Variants in GYG2 observed in about 807,000 individuals in gnomAD.
The protein encoded by GYG2 is glycogenin 2, also known as glycogenin-2.
GYG2 carries 29 observed loss-of-function variants against 29.4 expected under a neutral mutation model. The observed-to-expected ratio is 0.99, with a 90% CI of 0.74 to 1.35. GYG2 has a LOEUF of 1.35. Among genes scored for constraint, GYG2 ranks in the 40% most tolerant of loss-of-function variants. The pLI, the probability that GYG2 is intolerant of heterozygous loss-of-function variation, is 0.00. For missense variants in GYG2, 370 were observed against 385.7 expected, an observed-to-expected ratio of 0.96 and a Z score of 0.34; for synonymous variants, 167 against 172.3, an observed-to-expected ratio of 0.97 and a Z score of 0.24.
At chrX:2,873,587 T>C (rs1376115827) in intron 8 of GYG2, among the ~76,000 whole-genome samples, 1 of 111,127 alleles carries the variant, frequency 9.0e-6, no homozygotes, top group East Asian at 2.8e-4. Context: ...TGAGAACACA[T>C]AAGATCTACT....
At chrX:2,864,453 T>C (rs2088249485) in intron 8 of GYG2, among the ~76,000 whole-genome samples, 1 of 109,178 alleles carries the variant, frequency 9.2e-6, no homozygotes. Context: ...TTTATCTCAG[T>C]GAGCAGAGGG....
intron 4 of GYG2, 26 bp from the exon 5 acceptor site, chrX:2,854,967 G>T: frequency 8.3e-7 from 1 of 1,199,545 alleles, no homozygotes; most frequent in Non-Finnish European, 1.1e-6. Context: ...GCATTGCGGC[G>T]GGTTCTGCGT....
intron 10 of GYG2, 135 bp from the exon 11 acceptor site, chrX:2,880,917 G>A (rs2088705862): frequency 1.9e-6 from 1 of 531,764 alleles, no homozygotes; most frequent in South Asian, 3.0e-5. Context: ...AAAACAAAGT[G>A]CTAGTGATTC....
intron 2 of GYG2, among the ~76,000 whole-genome samples, chrX:2,835,071 G>T (rs1465483077): frequency 9.0e-6 from 1 of 111,482 alleles, no homozygotes; most frequent in Non-Finnish European, 1.9e-5. Context: ...GATCTGAAAG[G>T]GTGGGACTAC....
intron 3 of GYG2, chrX:2,852,618 G>A (rs891118374): frequency 8.0e-5 from 9 of 111,899 alleles, no homozygotes; most frequent in African/African-American, 2.9e-4. Context: ...GATTGTTATG[G>A]ACATCTGTTA....
chrX:2,857,548 ATCTC>A (rs891628277), intron 6 of GYG2, among the ~76,000 whole-genome samples: 1 of 110,120 alleles, frequency 9.1e-6, no homozygotes, highest in Non-Finnish European at 1.9e-5. Flanking sequence ...CTAGATCTAG[ATCTC>A]TCTCTATATA....
chrX:2,857,340 A>G lies in GYG2; in HGVS notation c.614+716A>G, dbSNP rs944438421. Among the ~76,000 whole-genome samples, 5 of 109,969 alleles carry G rather than the reference A, an allele frequency of 4.5e-5. No homozygotes were observed. In the East Asian group the frequency reaches 1.5e-3, roughly 33 times the overall value. ...CATCACTATATAGATACCTATATCT[A>G]TCTATCTAGAACTAGATATCTATGT... is the stretch of plus-strand genomic sequence containing the variant. On this transcript the variant is annotated intron_variant, in intron 6 of 10. Transcript: ENST00000398806.
chrX:2,834,518 G>A (rs1229143018), intron 2 of GYG2, among the ~76,000 whole-genome samples: 2 of 111,395 alleles, frequency 1.8e-5, no homozygotes, highest in South Asian at 3.8e-4. Flanking sequence ...TTGCAGTATC[G>A]AAACACCCAT....
intron 6 of GYG2, among the ~76,000 whole-genome samples, chrX:2,856,956 CATCTGTTTATCT>C (rs200244991): frequency 0.16 from 16,560 of 101,408 alleles, 1,050 homozygotes; most frequent in East Asian, 0.36. Context: ...TAGGCCTAGA[CATCTGTTTATCT>C]ATCTATCTAT....
chrX:2,831,775 T>G (rs1023944881), intron 2 of GYG2, among the ~76,000 whole-genome samples: 2 of 110,889 alleles, frequency 1.8e-5, no homozygotes, highest in Non-Finnish European at 3.8e-5. Flanking sequence ...TAAGGTTATT[T>G]TGGGGGGTGA....
chrX:2,861,592 C>G lies in GYG2; in HGVS notation c.908C>G (p.Ser303Ter). Residue 303 changes from serine to a stop codon, truncating the protein, a stop_gained, in exon 8 of 11, where the codon TCA becomes TGA. Transcript: ENST00000398806. LOFTEE classifies it high-confidence loss of function. ...ASGVGEPCEN[S>*]TPSAGVPCAN... ...GGTGTTGGAGAGCCGTGTGAAAATT[C>G]AACACCCAGTGCGGGCGTGCCGTGT... 2.5e-6 allele frequency: 3 copies of G among 1,207,872 alleles called. No homozygotes were observed. The highest frequency in any genetic ancestry group is 3.4e-6 in the Non-Finnish European group (3 of 892,520).
intron 8 of GYG2, among the ~76,000 whole-genome samples, chrX:2,866,964 G>C (rs1175083411): frequency 1.8e-5 from 2 of 110,759 alleles, no homozygotes; most frequent in Non-Finnish European, 3.8e-5. Flanking sequence ...AAAGGAGGAG[G>C]GTGGGAAAAA....
At chrX:2,867,336 C>T (rs751513140) in intron 8 of GYG2, among the ~76,000 whole-genome samples, 1 of 110,519 alleles carries the variant, frequency 9.0e-6, no homozygotes, top group Admixed American at 9.6e-5. Flanking sequence ...TGCCCAACTG[C>T]AGGCCCTTAC....
chrX:2,874,880 G>C (rs2088559733), intron 8 of GYG2, among the ~76,000 whole-genome samples: 1 of 111,738 alleles, frequency 8.9e-6, no homozygotes. Flanking sequence ...GTGCAGGCAA[G>C]AGGGGCTCAT....
chrX:2,857,269 G>A, intron 6 of GYG2, among the ~76,000 whole-genome samples: 1 of 74,605 alleles, frequency 1.3e-5, no homozygotes, highest in African/African-American at 6.8e-5. Flanking sequence ...AGATAGATCT[G>A]GATATCTATC....
chrX:2,848,877 G>A (rs1167045336), intron 3 of GYG2, among the ~76,000 whole-genome samples: 2 of 110,898 alleles, frequency 1.8e-5, no homozygotes, highest in East Asian at 5.6e-4. Flanking sequence ...GTCGGGTTGA[G>A]GTTTTGTGGG....
At chrX:2,854,942 G>A (rs1023790006) in intron 4 of GYG2, 51 bp from the exon 5 acceptor site, 1 of 1,171,214 alleles carries the variant, frequency 8.5e-7, no homozygotes, top group Non-Finnish European at 1.2e-6. Flanking sequence ...AAAAACAGAA[G>A]CATTGGTAAA....
At chrX:2,838,535 G>C (rs2087430815) in intron 2 of GYG2, among the ~76,000 whole-genome samples, 1 of 102,558 alleles carries the variant, frequency 9.8e-6, no homozygotes. Context: ...TAAATCTAAA[G>C]ACTGACTTTC....
At chrX:2,872,307 G>A (rs933068498) in intron 8 of GYG2, among the ~76,000 whole-genome samples, 15 of 112,346 alleles carry the variant, frequency 1.3e-4, no homozygotes, top group East Asian at 2.8e-4. Flanking sequence ...TCTTAAGAGC[G>A]GACTTTGAGA....
Sources: allele counts gnomAD v4.1 joint callset (sites outside exome capture counted in the v4.1 genomes callset), GRCh38; gene constraint gnomAD v4.1.1; transcripts MANE v1.5; gene names NCBI Gene and HGNC (gene_info 2026-07-23, HGNC 2026-07-21).